PAWR: variants seen among roughly 807,000 people sequenced by gnomAD.
PAWR encodes the protein pro-apoptotic WT1 regulator.
Under a neutral mutation model 32.0 loss-of-function variants are expected in PAWR, and 23 were observed. The ratio of observed to expected loss-of-function variants is 0.72; its 90% CI spans 0.52 to 1.02. PAWR has a LOEUF of 1.02. Ranked by LOEUF, PAWR falls within the 50% of genes least tolerant of loss-of-function variation. The probability of loss-of-function intolerance (pLI) is 0.00; values close to 1 mark genes in which losing one functional copy is unlikely to be tolerated. For missense variants in PAWR, 457 were observed against 437.7 expected, an observed-to-expected ratio of 1.04 and a Z score of -0.39; for synonymous variants, 226 against 187.1, an observed-to-expected ratio of 1.21 and a Z score of -1.70.
chr12:79,680,056 A>T (rs1878366649), intron 2 of PAWR, among the ~76,000 whole-genome samples: 1 of 152,240 alleles, frequency 6.6e-6, no homozygotes, highest in Admixed American at 6.5e-5. Context: ...ACAGATATCT[A>T]TGCATGGGTA....
At chr12:79,606,901 C>T (rs1008219913) in intron 4 of PAWR, among the ~76,000 whole-genome samples, 3 of 152,022 alleles carry the variant, frequency 2.0e-5, no homozygotes, top group Non-Finnish European at 4.4e-5. Flanking sequence ...ATGGAAAGTA[C>T]TTTGAATAGT....
chr12:79,677,751 T>C (rs1878239681), intron 2 of PAWR, among the ~76,000 whole-genome samples: 1 of 152,160 alleles, frequency 6.6e-6, no homozygotes. Context: ...AAACAAGTAA[T>C]ACATGGAGAA....
intron 2 of PAWR, among the ~76,000 whole-genome samples, chr12:79,687,032 G>T (rs2136897469): frequency 6.6e-6 from 1 of 152,170 alleles, no homozygotes; most frequent in Middle Eastern, 3.4e-3. Context: ...AAAAATTACT[G>T]GCAAGAAGTA....
At chr12:79,648,164 T>C (rs1184434847) in intron 2 of PAWR, among the ~76,000 whole-genome samples, 1 of 152,176 alleles carries the variant, frequency 6.6e-6, no homozygotes, top group Non-Finnish European at 1.5e-5. Context: ...CTAACATTCC[T>C]AACCTCAAAA....
chr12:79,678,645 T>C (rs1279391317), intron 2 of PAWR, among the ~76,000 whole-genome samples: 1 of 152,276 alleles, frequency 6.6e-6, no homozygotes. Flanking sequence ...GAAAGCCTTC[T>C]GTGCAGTTCT....
At chr12:79,660,292 A>G (rs1877286864) in intron 2 of PAWR, among the ~76,000 whole-genome samples, 1 of 152,226 alleles carries the variant, frequency 6.6e-6, no homozygotes. Flanking sequence ...TGGCACTGAC[A>G]GGAATCTCCT....
At chr12:79,678,175 G>A (rs10778686) in intron 2 of PAWR, among the ~76,000 whole-genome samples, 29,875 of 152,086 alleles carry the variant, frequency 0.2, 7,773 homozygotes, top group African/African-American at 0.59. Flanking sequence ...ATCTGCCTCC[G>A]AACAAGACAA....
intron 2 of PAWR, among the ~76,000 whole-genome samples, chr12:79,623,240 GA>G (rs994152290): frequency 6.2e-4 from 93 of 149,042 alleles, no homozygotes; most frequent in African/African-American, 1.5e-3. Flanking sequence ...GTCCTTATTA[GA>G]AAAAAAAAAT....
At chr12:79,602,627 A>G (rs750167392) in intron 4 of PAWR, among the ~76,000 whole-genome samples, 2 of 152,204 alleles carry the variant, frequency 1.3e-5, no homozygotes, top group Non-Finnish European at 2.9e-5. Flanking sequence ...CAGCAAAAGT[A>G]GATGCTGATG....
chr12:79,672,065 T>C (rs1251552075), intron 2 of PAWR, among the ~76,000 whole-genome samples: 2 of 152,174 alleles, frequency 1.3e-5, no homozygotes, highest in African/African-American at 2.4e-5. Flanking sequence ...GAAAGTGCTG[T>C]CAGCTCTACC....
chr12:79,635,388 T>C (rs905269444), intron 2 of PAWR, among the ~76,000 whole-genome samples: 1 of 152,132 alleles, frequency 6.6e-6, no homozygotes, highest in Non-Finnish European at 1.5e-5. Flanking sequence ...GGGATATTAC[T>C]GGTTATGGAG....
chr12:79,632,195 T>C (rs1299402343), intron 2 of PAWR: 1 of 145,126 alleles, frequency 6.9e-6, no homozygotes, highest in East Asian at 2.0e-4. Flanking sequence ...TTATACTACT[T>C]GATTTCAATA....
intron 2 of PAWR, among the ~76,000 whole-genome samples, chr12:79,633,219 C>A (rs768277796): frequency 3.3e-5 from 5 of 151,880 alleles, no homozygotes; most frequent in Non-Finnish European, 7.4e-5. Flanking sequence ...AAAAGGCGTG[C>A]CACAGACTAG....
intron 5 of PAWR, among the ~76,000 whole-genome samples, chr12:79,596,059 T>G (rs559489608): frequency 1.3e-5 from 2 of 152,260 alleles, no homozygotes; most frequent in South Asian, 4.2e-4. Flanking sequence ...ACAAAACACA[T>G]TTTCAACAAT....
chr12:79,599,996 T>C (rs1044832475), intron 4 of PAWR, among the ~76,000 whole-genome samples: 9 of 152,226 alleles, frequency 5.9e-5, no homozygotes, highest in Non-Finnish European at 8.8e-5. Context: ...ATTTTGTACA[T>C]GTCATGCCTG....
intron 2 of PAWR, among the ~76,000 whole-genome samples, chr12:79,661,964 A>C (rs1877371021): frequency 6.6e-6 from 1 of 152,196 alleles, no homozygotes; most frequent in South Asian, 2.1e-4. Flanking sequence ...CACTTTAATA[A>C]ATGATAAAAA....
chr12:79,636,878 CCACA>C (rs1345896944), intron 2 of PAWR, among the ~76,000 whole-genome samples: 1 of 152,046 alleles, frequency 6.6e-6, no homozygotes, highest in Non-Finnish European at 1.5e-5. Flanking sequence ...TCTTAAGAAT[CCACA>C]CAAATTTCTT....
chr12:79,641,920 G>C lies in PAWR; in HGVS notation c.517-20713C>G, dbSNP rs535993830. Among the ~76,000 whole-genome samples, 16 of 142,140 alleles carry C rather than the reference G, an allele frequency of 1.1e-4. 1 individual carries two copies. The East Asian group carries it at 2.6e-3, about 23-fold the overall frequency. 93.2% of individuals were successfully genotyped at this position (142,140 alleles called of 152,430 possible). On this transcript the variant is annotated intron_variant, in intron 2 of 6. Transcript: ENST00000328827. ...AAAGCTACATAATAACTCCTTTCCT[G>C]ATTGTTTTGAAGAATCACAAATATT...
intron 2 of PAWR, among the ~76,000 whole-genome samples, chr12:79,644,843 C>CA (rs1876494688): frequency 1.3e-5 from 2 of 152,106 alleles, no homozygotes; most frequent in South Asian, 4.1e-4. Flanking sequence ...GCAGTGAACT[C>CA]AGACACCTCA....
Sources: allele counts gnomAD v4.1 joint callset (sites outside exome capture counted in the v4.1 genomes callset), GRCh38; gene constraint gnomAD v4.1.1; transcripts MANE v1.5; gene names NCBI Gene and HGNC (gene_info 2026-07-23, HGNC 2026-07-21).